Variants in RANBP2 observed in about 807,000 individuals in gnomAD.
The protein encoded by RANBP2 is RAN binding protein 2, also known as E3 SUMO-protein ligase RanBP2.
A neutral mutation model predicts 303.6 loss-of-function variants in RANBP2; 57 were observed. The observed-to-expected ratio is 0.19, with a 90% CI of 0.15 to 0.23. The LOEUF is 0.23. Among genes scored for constraint, RANBP2 ranks in the 10% least tolerant of loss-of-function variants. RANBP2 has a pLI of 1.00. For missense variants in RANBP2, 3,138 were observed against 3,780.8 expected (o/e 0.83, Z 4.46); for synonymous variants, 1,167 against 1,301.5 (o/e 0.90, Z 2.23).
At chr2:109,440,173 G>A in the RANBP2 span, among the ~76,000 whole-genome samples, 1 of 152,232 alleles carries the variant, frequency 6.6e-6, no homozygotes, top group African/African-American at 2.4e-5. Flanking sequence ...GGAAGAAGGA[G>A]AAGTCCAGTG....
the RANBP2 span, among the ~76,000 whole-genome samples, chr2:109,253,337 A>G: frequency 2.0e-5 from 3 of 152,156 alleles, no homozygotes; most frequent in Non-Finnish European, 4.4e-5. Flanking sequence ...AAATTTGATT[A>G]AGGTGCTTTG....
chr2:109,685,993 G>C, the RANBP2 span, among the ~76,000 whole-genome samples: 1 of 152,202 alleles, frequency 6.6e-6, no homozygotes, highest in Admixed American at 6.5e-5. Flanking sequence ...AAATTTCACA[G>C]AACAGTTATT....
chr2:109,314,542 T>C, the RANBP2 span, among the ~76,000 whole-genome samples: 1 of 152,210 alleles, frequency 6.6e-6, no homozygotes, highest in Non-Finnish European at 1.5e-5. Context: ...AATAGCACCA[T>C]CAACTAATAC....
At chr2:109,118,970 T>C in the RANBP2 span, among the ~76,000 whole-genome samples, 1 of 152,068 alleles carries the variant, frequency 6.6e-6, no homozygotes, top group Admixed American at 6.6e-5. Flanking sequence ...ACCAGGATGG[T>C]TGAATGAGGG....
At chr2:109,412,251 T>C in the RANBP2 span, among the ~76,000 whole-genome samples, 4 of 152,366 alleles carry the variant, frequency 2.6e-5, no homozygotes, top group African/African-American at 9.6e-5. Flanking sequence ...TGGTCTCTCC[T>C]GGCCAAACAC....
At chr2:109,098,612 C>T in the RANBP2 span, among the ~76,000 whole-genome samples, 1 of 152,232 alleles carries the variant, frequency 6.6e-6, no homozygotes, top group Non-Finnish European at 1.5e-5. Context: ...TAAAACCAAA[C>T]TCAGCTCATT....
the RANBP2 span, among the ~76,000 whole-genome samples, chr2:109,078,882 T>C: frequency 6.6e-6 from 1 of 151,546 alleles, no homozygotes; most frequent in Non-Finnish European, 1.5e-5. Context: ...TCCCAGCTAC[T>C]TGGGAGGCTG....
the RANBP2 span, among the ~76,000 whole-genome samples, chr2:109,230,419 A>G: frequency 6.6e-6 from 1 of 152,074 alleles, no homozygotes; most frequent in Non-Finnish European, 1.5e-5. Context: ...TTTACTAAAA[A>G]AAATGGAAAA....
chr2:109,174,545 T>C, the RANBP2 span, among the ~76,000 whole-genome samples: 2 of 152,186 alleles, frequency 1.3e-5, no homozygotes, highest in Non-Finnish European at 2.9e-5. Context: ...CTGTGGTCTT[T>C]CTACAACAAC....
At chr2:109,391,160 C>G in the RANBP2 span, among the ~76,000 whole-genome samples, 1 of 152,262 alleles carries the variant, frequency 6.6e-6, no homozygotes, top group Non-Finnish European at 1.5e-5. Flanking sequence ...AAAGCCTTGC[C>G]TGTACTCAGG....
the RANBP2 span, among the ~76,000 whole-genome samples, chr2:109,089,205 C>A: frequency 1.3e-5 from 2 of 152,028 alleles, no homozygotes; most frequent in African/African-American, 4.8e-5. Flanking sequence ...CCAGTGAGGG[C>A]AGGAGGAAAT....
chr2:108,728,408 C>T (rs1694901160), intron 1 of RANBP2, among the ~76,000 whole-genome samples: 2 of 152,132 alleles, frequency 1.3e-5, no homozygotes, highest in African/African-American at 2.4e-5. Context: ...ATTCTCCTTC[C>T]TTGGCCTCCT....
the RANBP2 span, among the ~76,000 whole-genome samples, chr2:109,396,897 T>C: frequency 6.6e-6 from 1 of 152,260 alleles, no homozygotes; most frequent in Non-Finnish European, 1.5e-5. Flanking sequence ...CCCACCTTCG[T>C]GGATCTCACT....
chr2:109,135,986 C>T, the RANBP2 span, among the ~76,000 whole-genome samples: 1 of 152,194 alleles, frequency 6.6e-6, no homozygotes, highest in African/African-American at 2.4e-5. Flanking sequence ...AGCCCACCTC[C>T]GTCATCCGTA....
chr2:108,939,068 G>A, the RANBP2 span, among the ~76,000 whole-genome samples: 14 of 152,008 alleles, frequency 9.2e-5, no homozygotes, highest in South Asian at 2.1e-4. Flanking sequence ...ATGAGCCACC[G>A]TGCCTGGCCA....
chr2:109,409,844 C>T, the RANBP2 span, among the ~76,000 whole-genome samples: 78 of 152,162 alleles, frequency 5.1e-4, 1 homozygote, highest in African/African-American at 1.8e-3. Context: ...ATTTACACCC[C>T]GTGTAATGGA....
the RANBP2 span, among the ~76,000 whole-genome samples, chr2:108,824,692 T>G: frequency 1.3e-5 from 2 of 152,210 alleles, no homozygotes; most frequent in Non-Finnish European, 2.9e-5. Context: ...TCATTTATTA[T>G]CTTTATCAAG....
chr2:109,123,477 T>C, the RANBP2 span, among the ~76,000 whole-genome samples: 1 of 149,316 alleles, frequency 6.7e-6, no homozygotes, highest in African/African-American at 2.4e-5. Context: ...CATTTGCTCC[T>C]CTGGGTCTTC....
At position 108,782,122 on chromosome 2, in the gene RANBP2, T is replaced by TTA; in HGVS notation, c.8761-3_8761-2dup. 6.2e-7 allele frequency: 1 copy of TTA among 1,613,852 alleles called. No individual in the cohort carries two copies. The highest frequency in any genetic ancestry group is 1.7e-5 in the Admixed American group (1 of 60,008). Reference sequence around the variant, plus strand: ...AGCTTATAGAGAATTTCATCTCCTATTATAGGTAGAAGTAAAATCTGGAGA... The same window carrying TTA: ...AGCTTATAGAGAATTTCATCTCCTATTATATAGGTAGAAGTAAAATCTGGAGA... On this transcript the variant is annotated splice_region_variant and splice_polypyrimidine_tract_variant and intron_variant, in intron 26 of 28. Coordinates refer to ENST00000283195, the MANE Select transcript of RANBP2 (RefSeq NM_006267.5).
Sources: allele counts gnomAD v4.1 joint callset (sites outside exome capture counted in the v4.1 genomes callset), GRCh38; gene constraint gnomAD v4.1.1; transcripts MANE v1.5; gene names NCBI Gene and HGNC (gene_info 2026-07-23, HGNC 2026-07-21).